RALGAPA1: variants seen among roughly 807,000 people sequenced by gnomAD.
RALGAPA1 encodes the protein Ral GTPase activating protein catalytic subunit alpha 1, also known as ral GTPase-activating protein subunit alpha-1.
RALGAPA1 carries 52 observed loss-of-function variants against 269.6 expected under a neutral mutation model. The observed-to-expected ratio is 0.19, with a 90% confidence interval of 0.15 to 0.24. The LOEUF is 0.24. Ranked by LOEUF, RALGAPA1 falls within the 10% of genes least tolerant of loss-of-function variation. The pLI, the probability that RALGAPA1 is intolerant of heterozygous loss-of-function variation, is 1.00. For missense variants in RALGAPA1, 1,917 were observed against 3,013.9 expected (o/e 0.64, Z 8.52); for synonymous variants, 817 against 1,008.3 (o/e 0.81, Z 3.60).
chr14:35,627,993 C>G, intron 33 of RALGAPA1, 42 bp from the exon 34 acceptor site: 1 of 1,512,542 alleles, frequency 6.6e-7, no homozygotes, highest in Non-Finnish European at 8.9e-7. Flanking sequence ...ATTGCTGCTT[C>G]CTAGGGAATC....
chr14:35,728,348 A>C lies in RALGAPA1; in HGVS notation c.1736+14T>G. 1 of 1,545,224 alleles carries C rather than the reference A, an allele frequency of 6.5e-7. No individual in the cohort carries two copies. ...ATAAAAACACATAGACATAAAGGAT[A>C]AAAATTTTTTTACCAAGTCTTTTTG... On this transcript the variant is annotated intron_variant, in intron 13 of 41. Coordinates refer to ENST00000680220, the MANE Select transcript of RALGAPA1 (RefSeq NM_001346249.2).
chr14:35,656,022 A>T (rs2063152924), intron 28 of RALGAPA1, 107 bp from the exon 29 acceptor site: 3 of 1,560,492 alleles, frequency 1.9e-6, no homozygotes, highest in Non-Finnish European at 2.6e-6. Context: ...TAAATGAATT[A>T]ATGAATTTGT....
chr14:35,792,086 T>C (rs1427748071), intron 1 of RALGAPA1, among the ~76,000 whole-genome samples: 2 of 152,106 alleles, frequency 1.3e-5, no homozygotes, highest in African/African-American at 4.8e-5. Flanking sequence ...CCTTAAATAT[T>C]GGCCAAGGAT....
chr14:35,801,867 T>C lies in RALGAPA1; in HGVS notation c.106+6863A>G, dbSNP rs140602989. Among the ~76,000 whole-genome samples the C allele has an allele frequency of 2.7e-3, 417 of 152,314 alleles. 2 individuals carry two copies. Among genetic ancestry groups the C allele is most frequent in the Non-Finnish European group, 4.6e-3 (314 of 68,024 alleles). ...AACAAGACAAGACTGCCCACTCTCA[T>C]TACTTCTAATCTATGTCACATTGGA... On this transcript the variant is annotated intron_variant, in intron 1 of 41. Coordinates refer to ENST00000680220, the MANE Select transcript of RALGAPA1 (RefSeq NM_001346249.2).
At chr14:35,577,909 A>AT (rs952914683) in intron 37 of RALGAPA1, among the ~76,000 whole-genome samples, 3 of 151,910 alleles carry the variant, frequency 2.0e-5, no homozygotes, top group Admixed American at 6.6e-5. Flanking sequence ...TGAGCTCTTC[A>AT]TTTTTTTAAA....
At chr14:35,724,883 A>G in intron 14 of RALGAPA1, 141 bp downstream of exon 14, 1 of 612,484 alleles carries the variant, frequency 1.6e-6, no homozygotes, top group Non-Finnish European at 2.5e-6. Context: ...TTAATAAATA[A>G]GAAATAATCT....
At chr14:35,772,454 A>G (rs181298200) in intron 3 of RALGAPA1, among the ~76,000 whole-genome samples, 47 of 152,296 alleles carry the variant, frequency 3.1e-4, no homozygotes, top group Admixed American at 2.6e-3. Flanking sequence ...TATGTTCAAA[A>G]TTCTGCCTTT....
rs371763895 is a variant in RALGAPA1 at position 35,748,617 on chromosome 14, T to C, written c.1219A>G (p.Asn407Asp). The change falls in exon 10 of 42, where the codon AAT becomes GAT. Residue 407 changes from asparagine to aspartate, a missense_variant. Physicochemically the swap from Asn to Asp is conservative, Grantham distance 23. Coordinates refer to ENST00000680220, the MANE Select transcript of RALGAPA1 (RefSeq NM_001346249.2). ...VRRVFSSKRS[N>D]VNFVTEIFRQ... ...AATATCTCTGTCACAAAGTTTACAT[T>C]ACTCCTTTTAGAAGAAAAAACTCTG... The C allele has an allele frequency of 6.2e-7, 1 of 1,610,760 alleles. No individual in the cohort carries two copies. Among genetic ancestry groups the C allele is most frequent in the South Asian group, 1.1e-5 (1 of 90,542 alleles).
chr14:35,700,366 C>T (rs1490202130), intron 16 of RALGAPA1, 64 bp from the exon 17 acceptor site: 5 of 1,299,470 alleles, frequency 3.8e-6, no homozygotes, highest in Admixed American at 6.7e-5. Context: ...ATGAAAGGCT[C>T]GTGTCACAGA....
At position 35,577,916 on chromosome 14, in the gene RALGAPA1, TAA is replaced by T. The variant is rs376741758; in HGVS notation, c.7210-5200_7210-5199del. ...ATTGCTAATGAGCTCTTCATTTTTTTAAAAAAGTATATTCCTTTTCTGTACTT... is the reference window on the plus strand; with the variant it reads ...ATTGCTAATGAGCTCTTCATTTTTTTAAAAGTATATTCCTTTTCTGTACTT... On this transcript the variant is annotated intron_variant, in intron 37 of 41. Transcript: ENST00000680220. Among the ~76,000 whole-genome samples, 1,407 of 152,330 alleles carry T rather than the reference TAA, an allele frequency of 9.2e-3. 27 individuals carry two copies. The highest frequency in any genetic ancestry group is 0.032 in the African/African-American group (1,343 of 41,576).
chr14:35,685,698 G>A (rs1373104866), intron 19 of RALGAPA1, among the ~76,000 whole-genome samples: 2 of 152,146 alleles, frequency 1.3e-5, no homozygotes, highest in Admixed American at 1.3e-4. Context: ...GAGGTCAGGA[G>A]TTCGAGACCA....
chr14:35,690,531 C>T lies in RALGAPA1; in HGVS notation c.2408-528G>A, dbSNP rs554027364. ...AGAAATGAAAGTCTCTACCCTCTTC[C>T]TAAATTTCTCTTTGTCAGGAAACTG... On this transcript the variant is annotated intron_variant, in intron 17 of 41. Coordinates refer to ENST00000680220, the MANE Select transcript of RALGAPA1 (RefSeq NM_001346249.2). 3.3e-5 allele frequency among the ~76,000 whole-genome samples: 5 copies of T among 152,272 alleles called. No homozygotes were observed. In the South Asian group the frequency reaches 8.3e-4, roughly 25 times the overall value.
Position 35,548,430 on chromosome 14 carries a change from C to A in RALGAPA1, c.*23+78G>T, listed in dbSNP as rs1043211469. 14 of 970,986 alleles carry A rather than the reference C, an allele frequency of 1.4e-5. No homozygotes were observed. In the African/African-American group the frequency reaches 2.2e-4, roughly 15 times the overall value. The allele number at this position is 970,986 out of a possible 1,614,324, so 60.1% of individuals were successfully genotyped here. A position where few individuals can be genotyped will look rare whatever the true frequency, so the allele number is the denominator to read the frequency against. On this transcript the variant is annotated intron_variant, in intron 41 of 41. Coordinates refer to ENST00000680220, the MANE Select transcript of RALGAPA1 (RefSeq NM_001346249.2). ...TTAAGTTTACTTATTGTTTAAGTTA[C>A]AAGCTTAGAGCCTGCTAATTTTGAA...
rs746796792 is a variant in RALGAPA1, at chr14:35,750,547, G to C, written c.946C>G (p.Pro316Ala). 1 of 1,613,030 alleles carries C rather than the reference G, an allele frequency of 6.2e-7. No individual in the cohort carries two copies. Among genetic ancestry groups the C allele is most frequent in the South Asian group, 1.1e-5 (1 of 91,040 alleles). Residue 316 changes from proline (P) to alanine (A), a missense_variant, in exon 9 of 42, where the codon CCA (proline) becomes GCA (alanine). Pro to Ala is a conservative substitution (Grantham distance 27). Transcript: ENST00000680220. ...IRWLVSFWLEPKPHTGPHIPG... is the reference protein window; with the variant it reads ...IRWLVSFWLEAKPHTGPHIPG... ...ATATGAGGTCCTGTATGTGGTTTTG[G>C]CTCCAGCCAGAAAGAAACCAGCCAA... is the stretch of plus-strand genomic sequence containing the variant.
At chr14:35,655,663 G>C in intron 29 of RALGAPA1, 144 bp downstream of exon 29, 1 of 1,217,790 alleles carries the variant, frequency 8.2e-7, no homozygotes, top group Non-Finnish European at 1.1e-6. Context: ...AATTTTTAAG[G>C]AATGAGTCAG....
intron 15 of RALGAPA1, 24 bp from the exon 16 acceptor site, chr14:35,721,873 C>T: frequency 6.3e-7 from 1 of 1,596,310 alleles, no homozygotes; most frequent in Non-Finnish European, 8.6e-7. Context: ...TTTTCAATCT[C>T]AATATACTGT....
chr14:35,751,833 A>G (rs907178420), intron 8 of RALGAPA1, among the ~76,000 whole-genome samples, 191 bp downstream of exon 8: 5 of 151,884 alleles, frequency 3.3e-5, no homozygotes, highest in Non-Finnish European at 7.4e-5. Flanking sequence ...AAAAAAAGAA[A>G]AACTCATCCT....
chr14:35,679,835 AATAATCATATAATCAT>A (rs2065259091), intron 21 of RALGAPA1, among the ~76,000 whole-genome samples: 1 of 152,228 alleles, frequency 6.6e-6, no homozygotes, highest in Admixed American at 6.5e-5. Flanking sequence ...GTGTTATCAC[AATAATCATATAATCAT>A]ATGATAATCA....
At chr14:35,655,993 G>C (rs1415152315) in intron 28 of RALGAPA1, 78 bp from the exon 29 acceptor site, 6 of 1,599,600 alleles carry the variant, frequency 3.8e-6, no homozygotes, top group East Asian at 2.3e-5. Context: ...AACTGACACA[G>C]AATGAACATG....
Sources: gnomAD v4.1 joint callset for allele counts (sites outside exome capture counted in the v4.1 genomes callset) on GRCh38, gnomAD v4.1.1 for gene constraint, MANE v1.5 for transcripts, NCBI Gene and HGNC (gene_info 2026-07-23, HGNC 2026-07-21) for gene names.